RBM28: variants seen among roughly 807,000 people sequenced by gnomAD.
RBM28 encodes RNA-binding protein 28.
RBM28 carries 78 observed loss-of-function variants against 98.3 expected under a neutral mutation model. That is an observed-to-expected ratio of 0.79 (90% confidence interval 0.66 to 0.96). The LOEUF (loss-of-function observed/expected upper bound fraction) is 0.96, where lower values mean the gene tolerates loss of function less well. Ranked by LOEUF, RBM28 falls within the 40% of genes least tolerant of loss-of-function variation. The probability of loss-of-function intolerance (pLI) is 0.00; values close to 1 mark genes in which losing one functional copy is unlikely to be tolerated. For missense variants in RBM28, 838 were observed against 913.0 expected (o/e 0.92, Z 1.06); for synonymous variants, 306 against 330.9 (o/e 0.92, Z 0.82).
chr7:128,339,076 AG>A, intron 3 of RBM28, 150 bp downstream of exon 3: 1 of 806,708 alleles, frequency 1.2e-6, no homozygotes, highest in Non-Finnish European at 2.1e-6. Context: ...CTTATTACAC[AG>A]GCCCACTTTC....
chr7:128,335,793 C>G (rs75772697), intron 7 of RBM28, 54 bp downstream of exon 7: 2 of 1,613,674 alleles, frequency 1.2e-6, no homozygotes, highest in East Asian at 4.5e-5. Flanking sequence ...TTTTTCCTCT[C>G]GGAGACAATC....
chr7:128,302,481 A>G lies in RBM28; in HGVS notation c.*8316T>C, dbSNP rs552874918. 40 of 152,360 alleles carry G rather than the reference A, an allele frequency of 2.6e-4. No individual in the cohort carries two copies. The highest frequency in any genetic ancestry group is 9.6e-4 in the African/African-American group (40 of 41,576). The allele number at this position is 152,360 out of a possible 1,614,324, so 9.4% of individuals were successfully genotyped here. On this transcript the variant is annotated 3_prime_UTR_variant, in exon 19 of 19. Transcript: ENST00000223073. ...TTATCTGACCTCCAGGGGAATGAAG[A>G]TGTCTGCAGAATTCGGGGAAAAGCA...
intron 10 of RBM28, among the ~76,000 whole-genome samples, chr7:128,330,371 CTTTTTT>C (rs72352301): frequency 2.3e-4 from 19 of 83,452 alleles, no homozygotes; most frequent in African/African-American, 7.5e-4. Context: ...GTCCCTGGTC[CTTTTTT>C]TTTTTTTTTT....
rs533298241 is a variant in RBM28 at position 128,321,174 on chromosome 7, C to A, written c.1563+92G>T. 5.8e-6 allele frequency: 9 copies of A among 1,557,158 alleles called. No individual in the cohort carries two copies. The African/African-American group carries it at 1.2e-4, about 21-fold the overall frequency. Reference sequence around the variant, plus strand: ...GAGTGAGACTTCGTCTCAAAACAAACAAACAAAATCTGGCACCACAGCCTG... The same window carrying A: ...GAGTGAGACTTCGTCTCAAAACAAAAAAACAAAATCTGGCACCACAGCCTG... On this transcript the variant is annotated intron_variant, in intron 14 of 18. Transcript: ENST00000223073.
At position 128,300,828 on chromosome 7, in the gene RBM28, AAAGG is replaced by A. The variant is rs1795772293; in HGVS notation, c.*9965_*9968del. ...ATCCCTTAGCAGTGTTTGCTCTGGA[AAAGG>A]AGGAACAGGGACCTGGGTGCCATCT... On this transcript the variant is annotated 3_prime_UTR_variant, in exon 19 of 19. Coordinates refer to ENST00000223073, the MANE Select transcript of RBM28 (RefSeq NM_018077.3). The A allele has an allele frequency of 6.6e-6, 1 of 152,308 alleles. No individual in the cohort carries two copies. The highest frequency in any genetic ancestry group is 6.5e-5 in the Admixed American group (1 of 15,292). 9.4% of individuals were successfully genotyped at this position (152,308 alleles called of 1,614,324 possible).
At chr7:128,342,942 T>A (rs1413758735) in intron 1 of RBM28, among the ~76,000 whole-genome samples, 2 of 152,144 alleles carry the variant, frequency 1.3e-5, no homozygotes, top group Non-Finnish European at 2.9e-5. Context: ...TCACCCCCTC[T>A]CCCCACTATA....
chr7:128,310,839 T>A lies in RBM28; in HGVS notation c.2238A>T (p.Lys746Asn). 6.2e-7 allele frequency: 1 copy of A among 1,614,208 alleles called. No homozygotes were observed. The highest frequency in any genetic ancestry group is 2.2e-5 in the East Asian group (1 of 44,888). The change falls in exon 19 of 19, where the codon AAA becomes AAT. Residue 746 changes from lysine to asparagine, a missense_variant. Lys to Asn is a moderately conservative substitution (Grantham distance 94). Transcript: ENST00000223073. ...TGCTCCTCTTTGCAAGAGGTGCTCC[T>A]TTAGAAGGTCCCAATAATTTCTGCT... ...QYKQKLLGPS[K>N]GAPLAKRSKW...
At chr7:128,331,546 A>C (rs1229942851) in intron 9 of RBM28, among the ~76,000 whole-genome samples, 3 of 152,230 alleles carry the variant, frequency 2.0e-5, no homozygotes, top group Non-Finnish European at 4.4e-5. Context: ...AAGTCAAATT[A>C]TCTCTCTTAA....
At position 128,309,632 on chromosome 7, in the gene RBM28, CAA is replaced by C. The variant is rs554627635; in HGVS notation, c.*1163_*1164del. ...TGGGCGACAGAGTGAGACTCCATCT[CAA>C]AAAAAAAAAAAAAAGAAGAAGAAAC... On this transcript the variant is annotated 3_prime_UTR_variant, in exon 19 of 19. Transcript: ENST00000223073. 4.4e-4 allele frequency: 31 copies of C among 71,172 alleles called. No individual in the cohort carries two copies. The highest frequency in any genetic ancestry group is 8.7e-4 in the East Asian group (2 of 2,298). 4.4% of individuals were successfully genotyped at this position (71,172 alleles called of 1,614,324 possible). A position where few individuals can be genotyped will look rare whatever the true frequency, so the allele number is the denominator to read the frequency against.
intron 10 of RBM28, among the ~76,000 whole-genome samples, chr7:128,329,206 T>C (rs960394189): frequency 2.0e-5 from 3 of 152,024 alleles, no homozygotes; most frequent in African/African-American, 7.2e-5. Context: ...TTCAAGCAAT[T>C]CTCCTGCCTC....
intron 6 of RBM28, among the ~76,000 whole-genome samples, chr7:128,336,744 T>A (rs1379684687): frequency 6.6e-6 from 1 of 152,232 alleles, no homozygotes; most frequent in Non-Finnish European, 1.5e-5. Context: ...CTTACTCTGA[T>A]AAGCAGGTTC....
At chr7:128,330,758 A>G in intron 10 of RBM28, 61 bp downstream of exon 10, 1 of 1,152,814 alleles carries the variant, frequency 8.7e-7, no homozygotes, top group Non-Finnish European at 1.3e-6. Context: ...CTCGTAACCT[A>G]GTCAGTGCCC....
chr7:128,311,832 A>T (rs1795991438), intron 18 of RBM28, among the ~76,000 whole-genome samples: 1 of 152,242 alleles, frequency 6.6e-6, no homozygotes, highest in Non-Finnish European at 1.5e-5. Flanking sequence ...ATAATTGACA[A>T]AGGAAGATTT....
intron 13 of RBM28, 120 bp downstream of exon 13, chr7:128,323,407 C>A: frequency 8.7e-7 from 1 of 1,145,466 alleles, no homozygotes; most frequent in Middle Eastern, 2.2e-4. Flanking sequence ...CCTAACAGGG[C>A]AATAAGTATG....
In RBM28 at chr7:128,343,747, C is replaced by A. The variant is rs773917237; in HGVS notation, c.47G>T (p.Arg16Leu). 9 of 1,610,194 alleles carry A rather than the reference C, an allele frequency of 5.6e-6. No homozygotes were observed. The highest frequency in any genetic ancestry group is 1.7e-5 in the Admixed American group (1 of 59,664). ...GAACAGTTCCTCCAGCTGCTCACTG[C>A]GGGCCGAGGGCGGGAGGCGGCCCAC... ...LFVGRLPPSA[R>L]SEQLEELFSQ... is the part of the protein sequence containing the mutation. Residue 16 changes from arginine to leucine, a missense_variant, in exon 1 of 19, where the codon CGC (arginine) becomes CTC (leucine). Arg to Leu is a moderately radical substitution (Grantham distance 102). Transcript: ENST00000223073.
chr7:128,311,321 C>T (rs935039377), intron 18 of RBM28, among the ~76,000 whole-genome samples: 1 of 152,206 alleles, frequency 6.6e-6, no homozygotes, highest in African/African-American at 2.4e-5. Flanking sequence ...TACTATAGTA[C>T]GGTATACGTC....
intron 14 of RBM28, among the ~76,000 whole-genome samples, chr7:128,319,800 C>T (rs1316975774): frequency 3.3e-5 from 5 of 152,140 alleles, no homozygotes. Context: ...AGGCCAGGCC[C>T]AGTGGTTCAC....
At chr7:128,333,437 A>T in intron 8 of RBM28, 75 bp from the exon 9 acceptor site, 2 of 1,253,666 alleles carry the variant, frequency 1.6e-6, no homozygotes, top group Non-Finnish European at 2.3e-6. Flanking sequence ...CTTCTTAAGT[A>T]CATAAAGATA....
At position 128,324,666 on chromosome 7, in the gene RBM28, T is replaced by C. The variant is rs780793352; in HGVS notation, c.1232A>G (p.Gln411Arg). 1 of 1,614,204 alleles carries C rather than the reference T, an allele frequency of 6.2e-7. No homozygotes were observed. Among genetic ancestry groups the C allele is most frequent in the Admixed American group, 1.7e-5 (1 of 60,014 alleles). ...EAGGLKLDGR[Q>R]LKVDLAVTRD... is the part of the protein sequence containing the mutation. ...GGTCACCGCCAAGTCAACCTTGAGCTGCCGGCCATCCAGTTTAAGCCCACC... is the reference window on the plus strand; with the variant it reads ...GGTCACCGCCAAGTCAACCTTGAGCCGCCGGCCATCCAGTTTAAGCCCACC... The change falls in exon 12 of 19, where the codon CAG (glutamine) becomes CGG (arginine). Residue 411 changes from glutamine (Q) to arginine (R), a missense_variant. By Grantham distance (43) the Gln-to-Arg change is conservative (BLOSUM62 1). Transcript: ENST00000223073.
Sources: allele counts gnomAD v4.1 joint callset (sites outside exome capture counted in the v4.1 genomes callset), GRCh38; gene constraint gnomAD v4.1.1; transcripts MANE v1.5; gene names NCBI Gene and HGNC (gene_info 2026-07-23, HGNC 2026-07-21).